OIT3: variants seen among roughly 807,000 people sequenced by gnomAD.
OIT3 encodes the protein oncoprotein-induced transcript 3 protein.
In OIT3, 41 loss-of-function variants were observed where a neutral mutation model predicts 52.2. The observed-to-expected ratio is 0.79, with a 90% confidence interval of 0.61 to 1.02. The LOEUF is 1.02. Among genes scored for constraint, OIT3 ranks in the 50% least tolerant of loss-of-function variants. The pLI is 0.00. For missense variants in OIT3, 634 were observed against 715.5 expected, an observed-to-expected ratio of 0.89 and a Z score of 1.30; for synonymous variants, 244 against 276.9, an observed-to-expected ratio of 0.88 and a Z score of 1.18.
intron 6 of OIT3, chr10:72,913,704 C>T: frequency 1.6e-6 from 1 of 621,672 alleles, no homozygotes; most frequent in Non-Finnish European, 3.0e-6. Context: ...ATCTCTCCAG[C>T]ATGCACAGAC....
chr10:72,927,761 T>A (rs998130481), intron 7 of OIT3, among the ~76,000 whole-genome samples: 1 of 152,164 alleles, frequency 6.6e-6, no homozygotes, highest in Non-Finnish European at 1.5e-5. Context: ...TGAACACCCT[T>A]CTGACTTTGC....
intron 2 of OIT3, 22 bp from the exon 3 acceptor site, chr10:72,900,355 G>T (rs1380453969): frequency 7.3e-7 from 1 of 1,366,154 alleles, no homozygotes; most frequent in Non-Finnish European, 1.0e-6. Context: ...CCCTCATGAA[G>T]ATAATCTTTA....
Position 72,905,169 on chromosome 10 carries a change from G to A in OIT3, c.545-1427G>A, listed in dbSNP as rs549162067. On this transcript the variant is annotated intron_variant, in intron 3 of 8. Coordinates refer to ENST00000334011, the MANE Select transcript of OIT3 (RefSeq NM_152635.3). ...CTCATTAGGCCTCACCTCCAACATC[G>A]AGATCAAATCTCAATATGAGGCCAG... Among the ~76,000 whole-genome samples the A allele has an allele frequency of 3.5e-3, 525 of 152,148 alleles. 2 individuals carry two copies. Among genetic ancestry groups the A allele is most frequent in the African/African-American group, 0.012 (504 of 41,532 alleles).
chr10:72,906,726 TG>T lies in OIT3; in HGVS notation c.667+11del, dbSNP rs768081691. 19 of 1,552,302 alleles carry T rather than the reference TG, an allele frequency of 1.2e-5. No individual in the cohort carries two copies. Among genetic ancestry groups the T allele is most frequent in the Non-Finnish European group, 7.8e-6 (9 of 1,151,734 alleles). ...ATGGCAAGACTTGTGAAGGTGAGAA[TG>T]GGCAAAAAGGGACCCAAATCAAGAG... On this transcript the variant is annotated intron_variant, in intron 4 of 8. Transcript: ENST00000334011.
chr10:72,909,472 G>A (rs928017379), intron 4 of OIT3, among the ~76,000 whole-genome samples: 1 of 149,012 alleles, frequency 6.7e-6, no homozygotes, highest in Non-Finnish European at 1.5e-5. Context: ...ATGTCTGTGT[G>A]TACCCATTGT....
intron 8 of OIT3, 22 bp downstream of exon 8, chr10:72,930,659 T>C (rs1458243874): frequency 1.4e-6 from 2 of 1,474,430 alleles, no homozygotes; most frequent in South Asian, 2.3e-5. Context: ...ATCTTTAATT[T>C]ATAACCCCTG....
Position 72,932,446 on chromosome 10 carries a change from G to T in OIT3, c.1560G>T (p.Gly520=), listed in dbSNP as rs753550601. 2.5e-6 allele frequency: 4 copies of T among 1,614,150 alleles called. No individual in the cohort carries two copies. Among genetic ancestry groups the T allele is most frequent in the Non-Finnish European group, 3.4e-6 (4 of 1,179,994 alleles). Residue 520 remains glycine (G), a synonymous_variant, in exon 9 of 9, where the codon GGG becomes GGT. Transcript: ENST00000334011. The part of the protein sequence containing the change: ...AQGCHRRMRR[G]AGGEDSAGLQ... ...GTTGCCACCGGCGAATGCGTCGTGGGGCAGGAGGAGAGGACTCAGCCGGTC... is the reference window on the plus strand; with the variant it reads ...GTTGCCACCGGCGAATGCGTCGTGGTGCAGGAGGAGAGGACTCAGCCGGTC...
chr10:72,913,203 A>G (rs1357293573), intron 5 of OIT3, 105 bp from the exon 6 acceptor site: 5 of 842,988 alleles, frequency 5.9e-6, no homozygotes, highest in Non-Finnish European at 8.9e-6. Context: ...TTCCTTGGGG[A>G]TGGAACAAAA....
intron 6 of OIT3, among the ~76,000 whole-genome samples, chr10:72,914,137 A>C (rs927783412): frequency 2.0e-5 from 3 of 152,180 alleles, no homozygotes; most frequent in South Asian, 2.1e-4. Context: ...GGCCTTTCAG[A>C]TAGGAAACAA....
chr10:72,926,463 T>C (rs1190479839), intron 7 of OIT3, among the ~76,000 whole-genome samples: 1 of 152,156 alleles, frequency 6.6e-6, no homozygotes, highest in African/African-American at 2.4e-5. Flanking sequence ...CTCCAAAACC[T>C]CACCTTTCAC....
intron 6 of OIT3, chr10:72,918,005 A>T: frequency 3.7e-6 from 3 of 808,652 alleles, no homozygotes; most frequent in Non-Finnish European, 2.2e-6. Flanking sequence ...TATCTTCATC[A>T]TCATCTTCAT....
chr10:72,902,821 C>G (rs1845946138), intron 3 of OIT3, among the ~76,000 whole-genome samples: 1 of 152,176 alleles, frequency 6.6e-6, no homozygotes, highest in Non-Finnish European at 1.5e-5. Context: ...CTCCACCTGG[C>G]CCCACCCTTT....
chr10:72,921,591 G>A (rs764418742), intron 6 of OIT3, among the ~76,000 whole-genome samples: 1 of 151,994 alleles, frequency 6.6e-6, no homozygotes, highest in Non-Finnish European at 1.5e-5. Context: ...TGTCTGAAAA[G>A]GATCTTATTT....
rs1429776300 is a variant in OIT3, at chr10:72,911,804, G to A, written c.755G>A (p.Gly252Asp). The change falls in exon 5 of 9, where the codon GGC becomes GAC. Residue 252 changes from glycine (G) to aspartate (D), a missense_variant. By Grantham distance (94) the Gly-to-Asp change is moderately conservative. Coordinates refer to ENST00000334011, the MANE Select transcript of OIT3 (RefSeq NM_152635.3). ...GGCTACCAGTGTGAATGTCCCCGGG[G>A]CCTGGTGCTGTCTGAGGATAACCAC... ...EKGYQCECPR[G>D]LVLSEDNHTC... 1 of 1,613,582 alleles carries A rather than the reference G, an allele frequency of 6.2e-7. No individual in the cohort carries two copies. The highest frequency in any genetic ancestry group is 8.5e-7 in the Non-Finnish European group (1 of 1,179,746).
chr10:72,913,594 A>C (rs2132938618), intron 6 of OIT3, 126 bp downstream of exon 6: 1 of 808,510 alleles, frequency 1.2e-6, no homozygotes, highest in East Asian at 2.5e-5. Flanking sequence ...AACTGAGCTC[A>C]AAACATCTTA....
intron 6 of OIT3, among the ~76,000 whole-genome samples, chr10:72,916,736 T>C (rs548247666): frequency 6.6e-6 from 1 of 152,338 alleles, no homozygotes; most frequent in Admixed American, 6.5e-5. Flanking sequence ...TGTCTTCAGG[T>C]CTTTGAGGAA....
At chr10:72,924,011 G>C (rs1019449258) in intron 6 of OIT3, among the ~76,000 whole-genome samples, 3 of 151,994 alleles carry the variant, frequency 2.0e-5, no homozygotes, top group Non-Finnish European at 2.9e-5. Context: ...AAGCAGTCTG[G>C]CTGTGTTTTG....
rs773708326 is a variant in OIT3 at position 72,924,314 on chromosome 10, G to T, written c.1037G>T (p.Arg346Leu). Residue 346 changes from arginine (R) to leucine (L), a missense_variant, in exon 7 of 9, where the codon CGA (arginine) becomes CTA (leucine). By Grantham distance (102) the Arg-to-Leu change is moderately radical. Transcript: ENST00000334011. Reference sequence around the variant, plus strand: ...GGGAGCAGCGGGGACTTCATCATCCGAACCAGCAAGCTGCTGATCCCGGTG... The same window carrying T: ...GGGAGCAGCGGGGACTTCATCATCCTAACCAGCAAGCTGCTGATCCCGGTG... Reference protein sequence around the residue: ...TPGSSGDFIIRTSKLLIPVTC... With the variant: ...TPGSSGDFIILTSKLLIPVTC... 6.2e-7 allele frequency: 1 copy of T among 1,614,116 alleles called. No individual in the cohort carries two copies. The highest frequency in any genetic ancestry group is 1.3e-5 in the African/African-American group (1 of 75,026).
At chr10:72,925,796 G>A (rs776346633) in intron 7 of OIT3, among the ~76,000 whole-genome samples, 2 of 152,048 alleles carry the variant, frequency 1.3e-5, no homozygotes, top group Non-Finnish European at 2.9e-5. Flanking sequence ...TTCTAGAGAC[G>A]AGGTCTCACT....
Sources: gnomAD v4.1 joint callset for allele counts (sites outside exome capture counted in the v4.1 genomes callset) on GRCh38, gnomAD v4.1.1 for gene constraint, MANE v1.5 for transcripts, NCBI Gene and HGNC (gene_info 2026-07-23, HGNC 2026-07-21) for gene names.